CDC45: variants seen among roughly 807,000 people sequenced by gnomAD.
CDC45 encodes cell division control protein 45 homolog.
Under a neutral mutation model 77.8 loss-of-function variants are expected in CDC45, and 54 were observed. That is an observed-to-expected ratio of 0.69 (90% CI 0.56 to 0.87). CDC45 has a LOEUF of 0.87. Among genes scored for constraint, CDC45 ranks in the 40% least tolerant of loss-of-function variants. The pLI is 0.00. For missense variants in CDC45, 649 were observed against 721.6 expected (o/e 0.90, Z 1.15); for synonymous variants, 260 against 272.1 (o/e 0.96, Z 0.44).
intron 13 of CDC45, 121 bp downstream of exon 13, chr22:19,508,812 G>T: frequency 1.1e-6 from 1 of 870,782 alleles, no homozygotes. Flanking sequence ...AAACTGCTTG[G>T]GTGAACTGGA....
chr22:19,489,656 A>G (rs975910980), intron 5 of CDC45, among the ~76,000 whole-genome samples: 2 of 152,244 alleles, frequency 1.3e-5, no homozygotes, highest in Non-Finnish European at 2.9e-5. Context: ...GCATAAAAAC[A>G]AACAATATTT....
chr22:19,479,956 G>GGCT lies in CDC45; in HGVS notation c.-11_-10insTGC, dbSNP rs770638350. On this transcript the variant is annotated 5_prime_UTR_variant, in exon 1 of 19. Coordinates refer to ENST00000263201, the MANE Select transcript of CDC45 (RefSeq NM_003504.5). ...ACCTCAGCGCGAGCGCCAGGCGTCC[G>GGCT]GCCGCCGTGGCTATGTTCGTGTCCG... 1.7e-5 allele frequency: 28 copies of GGCT among 1,612,806 alleles called. No homozygotes were observed. The South Asian group carries it at 2.9e-4, about 16-fold the overall frequency.
intron 5 of CDC45, among the ~76,000 whole-genome samples, chr22:19,485,711 C>G (rs1168346648): frequency 6.6e-6 from 1 of 152,018 alleles, no homozygotes; most frequent in Non-Finnish European, 1.5e-5. Context: ...AATTTCCCAC[C>G]AACTTTTTAT....
intron 10 of CDC45, among the ~76,000 whole-genome samples, chr22:19,506,050 C>T (rs567158198): frequency 2.0e-5 from 3 of 152,164 alleles, no homozygotes; most frequent in Admixed American, 6.5e-5. Flanking sequence ...TAAAAGGTCC[C>T]TTGGCTGCCC....
At chr22:19,518,722 A>G in intron 17 of CDC45, 122 bp from the exon 18 acceptor site, 1 of 757,378 alleles carries the variant, frequency 1.3e-6, no homozygotes, top group Non-Finnish European at 2.4e-6. Flanking sequence ...AGAATACCAC[A>G]GGCCGGGAGG....
Position 19,481,054 on chromosome 22 carries a change from G to C in CDC45, c.204+9G>C. On this transcript the variant is annotated intron_variant, in intron 3 of 18. Coordinates refer to ENST00000263201, the MANE Select transcript of CDC45 (RefSeq NM_003504.5). ...TTGAGCATAAAGAACAGGTATTGAAGATGCGTTTTAGAATAACGTGGCTTT... is the reference window on the plus strand; with the variant it reads ...TTGAGCATAAAGAACAGGTATTGAACATGCGTTTTAGAATAACGTGGCTTT... 1 of 1,586,718 alleles carries C rather than the reference G, an allele frequency of 6.3e-7. No individual in the cohort carries two copies.
chr22:19,508,429 G>A (rs1340399418), intron 12 of CDC45, 101 bp from the exon 13 acceptor site: 6 of 1,230,654 alleles, frequency 4.9e-6, no homozygotes, highest in Non-Finnish European at 7.1e-6. Context: ...TGGAAGCATT[G>A]ACTTGGGCCT....
chr22:19,492,285 G>C (rs763600475), intron 5 of CDC45, among the ~76,000 whole-genome samples: 5 of 151,784 alleles, frequency 3.3e-5, no homozygotes, highest in African/African-American at 7.3e-5. Context: ...GTTCAGACTG[G>C]GTAATTTCTG....
intron 9 of CDC45, among the ~76,000 whole-genome samples, chr22:19,503,415 G>A (rs1008088095): frequency 5.5e-4 from 83 of 152,128 alleles, no homozygotes; most frequent in Non-Finnish European, 2.8e-4. Context: ...TTGACGTGGC[G>A]AGGCTCATAC....
At chr22:19,493,687 G>A (rs1028085708) in intron 5 of CDC45, among the ~76,000 whole-genome samples, 3 of 151,830 alleles carry the variant, frequency 2.0e-5, no homozygotes, top group Non-Finnish European at 1.5e-5. Context: ...CATGTGATCC[G>A]CCCGCCTGTC....
intron 5 of CDC45, among the ~76,000 whole-genome samples, chr22:19,489,911 G>A (rs1298656663): frequency 1.3e-5 from 2 of 152,192 alleles, no homozygotes; most frequent in Non-Finnish European, 2.9e-5. Flanking sequence ...AGATTTGTTT[G>A]TTTCTCCTTC....
intron 13 of CDC45, among the ~76,000 whole-genome samples, chr22:19,509,066 G>T (rs1933373578): frequency 6.6e-6 from 1 of 152,024 alleles, no homozygotes; most frequent in African/African-American, 2.4e-5. Context: ...CACTTCCTGA[G>T]ATGTCCTATA....
Position 19,505,487 on chromosome 22 carries a change from C to T in CDC45, c.824+6C>T. Reference sequence around the variant, plus strand: ...CGGATCTCCTTTGAGTATGAGTATCCTTGTGGCCCAGCCTGAGGGGCACAG... The same window carrying T: ...CGGATCTCCTTTGAGTATGAGTATCTTTGTGGCCCAGCCTGAGGGGCACAG... On this transcript the variant is annotated splice_donor_region_variant and intron_variant, in intron 10 of 18. Transcript: ENST00000263201. 2 of 1,613,996 alleles carry T rather than the reference C, an allele frequency of 1.2e-6. No individual in the cohort carries two copies. Among genetic ancestry groups the T allele is most frequent in the Non-Finnish European group, 1.7e-6 (2 of 1,179,942 alleles).
intron 5 of CDC45, among the ~76,000 whole-genome samples, chr22:19,492,945 G>A (rs1036187251): frequency 5.3e-5 from 8 of 152,162 alleles, no homozygotes; most frequent in African/African-American, 1.9e-4. Flanking sequence ...CCCACCATTG[G>A]TTCTCCCACC....
chr22:19,516,604 G>A lies in CDC45; in HGVS notation c.1518G>A (p.Val506=), dbSNP rs149825661. Residue 506 remains valine (V), a synonymous_variant, in exon 16 of 19, where the codon GTG becomes GTA. Coordinates refer to ENST00000263201, the MANE Select transcript of CDC45 (RefSeq NM_003504.5). ...GCATGGAGCATGGCACAGTGACCGT[G>A]GTGGGCATCCCCCCAGAGACCGACA... is the stretch of plus-strand genomic sequence containing the variant. ...PLSMEHGTVT[V]VGIPPETDSS... 59 of 1,614,094 alleles carry A rather than the reference G, an allele frequency of 3.7e-5. No homozygotes were observed. The African/African-American group carries it at 4.1e-4, about 11-fold the overall frequency.
chr22:19,498,305 G>A (rs1018497015), intron 8 of CDC45, among the ~76,000 whole-genome samples: 3 of 152,250 alleles, frequency 2.0e-5, no homozygotes, highest in African/African-American at 7.2e-5. Flanking sequence ...CTCCAGCCTG[G>A]GTGACTGAGT....
chr22:19,489,218 C>T (rs189171285), intron 5 of CDC45, among the ~76,000 whole-genome samples: 133 of 152,172 alleles, frequency 8.7e-4, no homozygotes, highest in African/African-American at 2.2e-3. Context: ...TGTGATTTTT[C>T]AGTTGGCACT....
In CDC45 at chr22:19,481,154, A is replaced by G. The variant is rs13447191; in HGVS notation, c.204+109A>G. On this transcript the variant is annotated intron_variant, in intron 3 of 18. Coordinates refer to ENST00000263201, the MANE Select transcript of CDC45 (RefSeq NM_003504.5). ...AAGCGTGTATTTAAGTATCAGCTAC[A>G]TTAGGCAATATGGAAGAGAAAAACA... The G allele has an allele frequency of 1.3e-3, 847 of 666,980 alleles. 5 individuals are homozygous for G. The African/African-American group carries it at 0.013, about 11-fold the overall frequency. The allele number at this position is 666,980 out of a possible 1,614,324, so 41.3% of individuals were successfully genotyped here. A position where few individuals can be genotyped will look rare whatever the true frequency, so the allele number is the denominator to read the frequency against.
rs751593629 is a variant in CDC45 at position 19,497,374 on chromosome 22, G to C, written c.592-12G>C. The C allele has an allele frequency of 6.3e-5, 102 of 1,613,704 alleles. No homozygotes were observed. Among genetic ancestry groups the C allele is most frequent in the Non-Finnish European group, 8.5e-5 (100 of 1,179,818 alleles). On this transcript the variant is annotated splice_polypyrimidine_tract_variant and intron_variant, in intron 7 of 18. Transcript: ENST00000263201. ...CCTCCCATGAGCCTTAGACTTCTCT[G>C]CTTCCTTACAGTCAGCCATGGTGAT...
Sources: allele counts gnomAD v4.1 joint callset (sites outside exome capture counted in the v4.1 genomes callset), GRCh38; gene constraint gnomAD v4.1.1; transcripts MANE v1.5; gene names NCBI Gene and HGNC (gene_info 2026-07-23, HGNC 2026-07-21).